CLASP1: variants seen among roughly 807,000 people sequenced by gnomAD.
The protein encoded by CLASP1 is CLIP-associating protein 1.
Under a neutral mutation model 192.3 loss-of-function variants are expected in CLASP1, and 38 were observed. The ratio of observed to expected loss-of-function variants is 0.20; its 90% CI spans 0.15 to 0.26. The LOEUF (loss-of-function observed/expected upper bound fraction) is 0.26. CLASP1 is among the 10% of genes least tolerant of loss of function. CLASP1 has a pLI of 1.00. For synonymous variants in CLASP1, 691 were observed against 712.8 expected (o/e 0.97, Z 0.49); for missense variants, 1,433 against 1,932.5 (o/e 0.74, Z 4.85).
intron 8 of CLASP1, among the ~76,000 whole-genome samples, chr2:121,501,036 C>G (rs572211595): frequency 2.0e-5 from 3 of 152,240 alleles, no homozygotes; most frequent in South Asian, 2.1e-4. Context: ...GGGTGAAATC[C>G]TATTTGTCAC....
chr2:121,451,427 A>C (rs1381620916), intron 15 of CLASP1, among the ~76,000 whole-genome samples: 2 of 152,238 alleles, frequency 1.3e-5, no homozygotes, highest in Non-Finnish European at 2.9e-5. Context: ...GGAGAAAAAG[A>C]AAACTTTCAA....
At chr2:121,350,345 G>A (rs902151861) in intron 37 of CLASP1, among the ~76,000 whole-genome samples, 5 of 152,236 alleles carry the variant, frequency 3.3e-5, no homozygotes. Context: ...GGCATGAAGT[G>A]GGTGAAGAAG....
intron 37 of CLASP1, among the ~76,000 whole-genome samples, chr2:121,360,601 G>GAAAAAAAAAAAAAAAAAAA (rs61023548): frequency 9.7e-6 from 1 of 103,388 alleles, no homozygotes. Flanking sequence ...CAAGGGAAAA[G>GAAAAAAAAAAAAAAAAAAA]AAAAAAAAAA....
exon 4 of CLASP1, chr2:121,528,696 T>G (rs1309647071): frequency 6.2e-7 from 1 of 1,613,900 alleles, no homozygotes; most frequent in African/African-American, 1.3e-5. Context: ...AGCAGCTTGA[T>G]CCATGATCTT....
rs2149856685 is a variant in CLASP1, at chr2:121,458,829, A to G, written c.1314+11T>C. 1 of 1,598,726 alleles carries G rather than the reference A, an allele frequency of 6.3e-7. No individual in the cohort carries two copies. The highest frequency in any genetic ancestry group is 1.1e-5 in the South Asian group (1 of 88,462). On this transcript the variant is annotated intron_variant, in intron 13 of 39. Coordinates refer to ENST00000263710, the Ensembl canonical transcript of CLASP1. Reference sequence around the variant, plus strand: ...CTTGCTTATTTCAAGCATGGCCTATAACATACTTACCCGAATAATTAACCT... The same window carrying G: ...CTTGCTTATTTCAAGCATGGCCTATGACATACTTACCCGAATAATTAACCT...
At chr2:121,397,990 T>C (rs1220643917) in intron 29 of CLASP1, among the ~76,000 whole-genome samples, 2 of 152,216 alleles carry the variant, frequency 1.3e-5, no homozygotes, top group African/African-American at 4.8e-5. Flanking sequence ...TTTTCTAGTT[T>C]AAATATTAAT....
rs140462761 is a variant in CLASP1 at position 121,547,397 on chromosome 2, C to G, written c.196-17072G>C. Among the ~76,000 whole-genome samples, 44 of 152,200 alleles carry G rather than the reference C, an allele frequency of 2.9e-4. No individual in the cohort carries two copies. In the East Asian group the frequency reaches 7.6e-3, roughly 26 times the overall value. ...CGTCTCCCAAGGGCCCACCCACCCCCCTACTCTTCACCAGGCAGGGAACCC... is the reference window on the plus strand; with the variant it reads ...CGTCTCCCAAGGGCCCACCCACCCCGCTACTCTTCACCAGGCAGGGAACCC... On this transcript the variant is annotated intron_variant, in intron 2 of 39. Transcript: ENST00000263710.
chr2:121,647,294 G>A (rs1007049862), intron 1 of CLASP1, among the ~76,000 whole-genome samples: 3 of 152,190 alleles, frequency 2.0e-5, no homozygotes, highest in Non-Finnish European at 4.4e-5. Flanking sequence ...CTTGAACCCA[G>A]GAGGTGGAGG....
intron 22 of CLASP1, 95 bp downstream of exon 22, chr2:121,425,044 G>T: frequency 1.6e-6 from 2 of 1,253,824 alleles, no homozygotes; most frequent in Non-Finnish European, 2.2e-6. Context: ...TCAAAAAATA[G>T]ATCTATATTT....
At chr2:121,396,709 C>T (rs948541367) in intron 30 of CLASP1, among the ~76,000 whole-genome samples, 1 of 152,216 alleles carries the variant, frequency 6.6e-6, no homozygotes, top group Non-Finnish European at 1.5e-5. Context: ...TACTTATGTG[C>T]TACGTATTGA....
At chr2:121,532,029 C>T (rs928157282) in intron 2 of CLASP1, among the ~76,000 whole-genome samples, 2 of 152,184 alleles carry the variant, frequency 1.3e-5, no homozygotes, top group African/African-American at 4.8e-5. Context: ...ACACAACAAC[C>T]AAACAGGACG....
chr2:121,400,788 T>C (rs1169188462), intron 28 of CLASP1, among the ~76,000 whole-genome samples: 1 of 152,240 alleles, frequency 6.6e-6, no homozygotes, highest in East Asian at 1.9e-4. Context: ...CTGAGTGACT[T>C]GGAAGTTATT....
rs753242665 is a variant in CLASP1 at position 121,605,682 on chromosome 2, C to T, written c.195+19G>A. The T allele has an allele frequency of 4.3e-6, 7 of 1,609,794 alleles. No individual in the cohort carries two copies. Among genetic ancestry groups the T allele is most frequent in the South Asian group, 3.3e-5 (3 of 90,970 alleles). ...GCAGCCCAGCCACCTCCAAAAGTGC[C>T]TTCTAAAGCACAGCTTACCTTGTAA... On this transcript the variant is annotated intron_variant, in intron 2 of 39. Coordinates refer to ENST00000263710, the Ensembl canonical transcript of CLASP1.
At chr2:121,445,563 T>G in intron 19 of CLASP1, 2 of 886,826 alleles carry the variant, frequency 2.3e-6, no homozygotes, top group Non-Finnish European at 3.2e-6. Context: ...TGTGTCAACC[T>G]AGGTAGCAAC....
In CLASP1 at chr2:121,381,662, A is replaced by G. The variant is rs60885318; in HGVS notation, c.3491+546T>C. Among the ~76,000 whole-genome samples the G allele has an allele frequency of 1.4e-3, 211 of 152,256 alleles. 1 individual carries two copies. Among genetic ancestry groups the G allele is most frequent in the African/African-American group, 4.9e-3 (205 of 41,562 alleles). Reference sequence around the variant, plus strand: ...TCTTAGAGGCAGGGCATCCTTAGTGAGCTGTAACAGTTATCCTGCCTCTTG... The same window carrying G: ...TCTTAGAGGCAGGGCATCCTTAGTGGGCTGTAACAGTTATCCTGCCTCTTG... On this transcript the variant is annotated intron_variant, in intron 33 of 39. Coordinates refer to ENST00000263710, the Ensembl canonical transcript of CLASP1.
At chr2:121,435,028 A>G (rs778422046) in intron 19 of CLASP1, among the ~76,000 whole-genome samples, 3 of 151,852 alleles carry the variant, frequency 2.0e-5, no homozygotes, top group Non-Finnish European at 4.4e-5. Flanking sequence ...CTCTCTTTAA[A>G]TATCACATTG....
intron 19 of CLASP1, among the ~76,000 whole-genome samples, chr2:121,435,433 A>G (rs961381322): frequency 6.6e-6 from 1 of 151,750 alleles, no homozygotes; most frequent in African/African-American, 2.4e-5. Flanking sequence ...TGCCACCACG[A>G]CCGGCTAATT....
chr2:121,575,766 A>C (rs1037214560), intron 2 of CLASP1, among the ~76,000 whole-genome samples: 1 of 152,222 alleles, frequency 6.6e-6, no homozygotes, highest in Non-Finnish European at 1.5e-5. Context: ...AGAAAGGAGG[A>C]GGACGGATAA....
chr2:121,341,024 G>A, intron 39 of CLASP1, 77 bp from the exon 41 acceptor site: 1 of 949,264 alleles, frequency 1.1e-6, no homozygotes, highest in Admixed American at 2.0e-5. Flanking sequence ...AGAATCCCAG[G>A]TGACAGTAAG....
Sources: allele counts gnomAD v4.1 joint callset (sites outside exome capture counted in the v4.1 genomes callset), GRCh38; gene constraint gnomAD v4.1.1; transcripts MANE v1.5; gene names NCBI Gene and HGNC (gene_info 2026-07-23, HGNC 2026-07-21).